Variants in NSMAF observed in about 807,000 individuals in gnomAD.
The protein encoded by NSMAF is neutral sphingomyelinase activation associated factor, also known as protein FAN.
NSMAF carries 90 observed loss-of-function variants against 134.9 expected under a neutral mutation model. The observed-to-expected ratio is 0.67, with a 90% CI of 0.56 to 0.79. NSMAF has a LOEUF of 0.79. Among genes scored for constraint, NSMAF ranks in the 30% least tolerant of loss-of-function variants. The probability of loss-of-function intolerance (pLI) is 0.00; values close to 1 mark genes in which losing one functional copy is unlikely to be tolerated. For synonymous variants in NSMAF, 358 were observed against 389.6 expected, an observed-to-expected ratio of 0.92 and a Z score of 0.96; for missense variants, 1,010 against 1,119.0, an observed-to-expected ratio of 0.90 and a Z score of 1.39.
At position 58,595,647 on chromosome 8, in the gene NSMAF, A is replaced by G. The variant is rs1806122215; in HGVS notation, c.1805T>C (p.Phe602Ser). Residue 602 changes from phenylalanine to serine, a missense_variant, in exon 22 of 31, where the codon TTT (phenylalanine) becomes TCT (serine). Phe to Ser is a radical substitution (Grantham distance 155, BLOSUM62 -2). Transcript: ENST00000038176. ...TTTGCTTTCTTCGGTCAGGTCTTCA[A>G]AAGACTCTTCACCTGGAGAGACGAC... ...SMADSPGEES[F>S]EDLTEESKTL... The G allele has an allele frequency of 6.2e-7, 1 of 1,612,978 alleles. No individual in the cohort carries two copies. Among genetic ancestry groups the G allele is most frequent in the Non-Finnish European group, 8.5e-7 (1 of 1,179,250 alleles).
chr8:58,589,349 AGTT>A, intron 26 of NSMAF, 100 bp downstream of exon 26: 1 of 813,070 alleles, frequency 1.2e-6, no homozygotes, highest in African/African-American at 1.8e-5. Flanking sequence ...AGCAATAGGT[AGTT>A]GAGTGGCTTA....
intron 1 of NSMAF, among the ~76,000 whole-genome samples, chr8:58,649,546 G>A (rs549475083): frequency 1.3e-5 from 2 of 152,280 alleles, no homozygotes; most frequent in Admixed American, 1.3e-4. Flanking sequence ...TGTTAATATG[G>A]AATTACCAAT....
At chr8:58,592,654 G>A (rs1338152864) in intron 23 of NSMAF, among the ~76,000 whole-genome samples, 14 of 152,194 alleles carry the variant, frequency 9.2e-5, no homozygotes, top group South Asian at 4.1e-4. Flanking sequence ...TTGGGAGGCC[G>A]AGGCAGGTGG....
At chr8:58,630,804 G>C (rs1365235280) in intron 6 of NSMAF, among the ~76,000 whole-genome samples, 2 of 152,212 alleles carry the variant, frequency 1.3e-5, no homozygotes, top group African/African-American at 2.4e-5. Flanking sequence ...AGAGATTGCA[G>C]ACTGGCCTGA....
At chr8:58,628,359 A>G (rs890361345) in intron 6 of NSMAF, among the ~76,000 whole-genome samples, 5 of 152,194 alleles carry the variant, frequency 3.3e-5, no homozygotes, top group African/African-American at 1.2e-4. Flanking sequence ...CATGGGTCTT[A>G]TATAAAACAT....
chr8:58,637,399 A>C (rs1240574403), intron 2 of NSMAF: 1 of 456,152 alleles, frequency 2.2e-6, no homozygotes, highest in African/African-American at 2.0e-5. Flanking sequence ...CCTTTTCAAA[A>C]GATAGAGGTA....
intron 26 of NSMAF, chr8:58,588,486 C>A: frequency 3.4e-6 from 4 of 1,193,414 alleles, no homozygotes; most frequent in African/African-American, 2.9e-5. Context: ...GTGTTCGGTC[C>A]TTGCAGGCTT....
At chr8:58,600,044 C>T (rs972428223) in intron 16 of NSMAF, 23 bp from the exon 17 acceptor site, 2 of 1,594,754 alleles carry the variant, frequency 1.3e-6, no homozygotes, top group Non-Finnish European at 1.7e-6. Flanking sequence ...AAAAAATTCA[C>T]CTATTTTCAG....
At position 58,609,650 on chromosome 8, in the gene NSMAF, C is replaced by T. The variant is rs1390127919; in HGVS notation, c.641G>A (p.Cys214Tyr). The T allele has an allele frequency of 6.2e-7, 1 of 1,614,178 alleles. No homozygotes were observed. The change falls in exon 10 of 31, where the codon TGC (cysteine) becomes TAC (tyrosine). Residue 214 changes from cysteine to tyrosine, a missense_variant. By Grantham distance (194) the Cys-to-Tyr change is radical. Transcript: ENST00000038176. ...AAAATACAGGTTTGTGTCCGTGATG[C>T]ACACGTGTCCAGGATTAGTCACCAG... ...TPLVTNPGHV[C>Y]ITDTNLYFQP...
intron 9 of NSMAF, among the ~76,000 whole-genome samples, chr8:58,613,386 T>C (rs936057954): frequency 7.9e-5 from 12 of 152,154 alleles, no homozygotes; most frequent in Non-Finnish European, 1.6e-4. Flanking sequence ...TAAAGTAGCA[T>C]GAAATGATAT....
intron 9 of NSMAF, among the ~76,000 whole-genome samples, chr8:58,618,439 A>C (rs2129143627): frequency 6.6e-6 from 1 of 151,636 alleles, no homozygotes; most frequent in East Asian, 1.9e-4. Context: ...AATTATTGCT[A>C]ATGGAATATG....
chr8:58,601,948 G>A, intron 14 of NSMAF, 110 bp downstream of exon 14: 13 of 777,984 alleles, frequency 1.7e-5, no homozygotes, highest in Non-Finnish European at 2.7e-5. Flanking sequence ...TCTACGTAGA[G>A]TCACTGGTAT....
At chr8:58,597,688 C>A (rs1197853432) in intron 20 of NSMAF, 138 bp from the exon 21 acceptor site, 3 of 958,042 alleles carry the variant, frequency 3.1e-6, no homozygotes, top group Non-Finnish European at 4.8e-6. Context: ...ATTGTCTAAA[C>A]CTCATTATAG....
In NSMAF at chr8:58,603,204, A is replaced by C; in HGVS notation, c.1045+6T>G. 6.2e-7 allele frequency: 1 copy of C among 1,613,768 alleles called. No homozygotes were observed. Among genetic ancestry groups the C allele is most frequent in the Non-Finnish European group, 8.5e-7 (1 of 1,179,668 alleles). ...ACTTGGTCAGAATTCCACGTGTGGC[A>C]GTTACCTAGTTCTGAGCTGGAATAA... On this transcript the variant is annotated splice_donor_region_variant and intron_variant, in intron 13 of 30. Coordinates refer to ENST00000038176, the MANE Select transcript of NSMAF (RefSeq NM_003580.4).
At chr8:58,643,149 G>A in intron 1 of NSMAF, 76 bp from the exon 2 acceptor site, 1 of 1,055,010 alleles carries the variant, frequency 9.5e-7, no homozygotes, top group Non-Finnish European at 1.5e-6. Flanking sequence ...TAAAACGTCT[G>A]ATCCCAAAAA....
chr8:58,599,259 C>A lies in NSMAF; in HGVS notation c.1558G>T (p.Gly520Trp). Reference sequence around the variant, plus strand: ...TTATGGGCCCCAACTGCATCACTCCCTTTTTGTTTGTAGCCAAATATTAGA... The same window carrying A: ...TTATGGGCCCCAACTGCATCACTCCATTTTTGTTTGTAGCCAAATATTAGA... Reference protein sequence around the residue: ...IDLIFGYKQKGSDAVGAHNVF... With the variant: ...IDLIFGYKQKWSDAVGAHNVF... The change falls in exon 19 of 31, where the codon GGG (glycine) becomes TGG (tryptophan). Residue 520 changes from glycine (G) to tryptophan (W), a missense_variant. By Grantham distance (184) the Gly-to-Trp change is radical. Transcript: ENST00000038176. 6.2e-7 allele frequency: 1 copy of A among 1,613,852 alleles called. No homozygotes were observed. Among genetic ancestry groups the A allele is most frequent in the Middle Eastern group, 1.7e-4 (1 of 6,060 alleles).
intron 23 of NSMAF, among the ~76,000 whole-genome samples, chr8:58,591,296 C>T (rs557347025): frequency 6.6e-6 from 1 of 151,982 alleles, no homozygotes; most frequent in East Asian, 1.9e-4. Context: ...AATTTTAATA[C>T]TAAATAAGAC....
chr8:58,594,504 C>T, intron 22 of NSMAF: 1 of 563,756 alleles, frequency 1.8e-6, no homozygotes, highest in African/African-American at 1.9e-5. Context: ...AACATCCCCA[C>T]TCTTTGCTTC....
intron 9 of NSMAF, among the ~76,000 whole-genome samples, chr8:58,611,590 A>C (rs1806531579): frequency 6.6e-6 from 1 of 152,218 alleles, no homozygotes; most frequent in African/African-American, 2.4e-5. Context: ...AAACTATGAA[A>C]AAGAACCAAA....
Sources: allele counts gnomAD v4.1 joint callset (sites outside exome capture counted in the v4.1 genomes callset), GRCh38; gene constraint gnomAD v4.1.1; transcripts MANE v1.5; gene names NCBI Gene and HGNC (gene_info 2026-07-23, HGNC 2026-07-21).